MYCBP2: variants seen among roughly 807,000 people sequenced by gnomAD.
MYCBP2 encodes the protein MYC binding protein 2.
Under a neutral mutation model 525.3 loss-of-function variants are expected in MYCBP2, and 120 were observed. The ratio of observed to expected loss-of-function variants is 0.23; its 90% CI spans 0.20 to 0.27. The LOEUF is 0.27. MYCBP2 is among the 10% of genes least tolerant of loss of function. The pLI, the probability that MYCBP2 is intolerant of heterozygous loss-of-function variation, is 1.00. For synonymous variants in MYCBP2, 1,894 were observed against 1,955.8 expected (o/e 0.97, Z 0.83); for missense variants, 4,149 against 5,657.1 (o/e 0.73, Z 8.55).
intron 5 of MYCBP2, 145 bp downstream of exon 5, chr13:77,273,327 T>A (rs1329311627): frequency 1.8e-6 from 1 of 553,542 alleles, no homozygotes; most frequent in Non-Finnish European, 2.9e-6. Flanking sequence ...TTAATTGAAA[T>A]ACTGTAGATT....
At position 77,159,987 on chromosome 13, in the gene MYCBP2, TA is replaced by T. The variant is rs541252084; in HGVS notation, c.6598-1879del. Among the ~76,000 whole-genome samples, 14 of 152,188 alleles carry T rather than the reference TA, an allele frequency of 9.2e-5. No individual in the cohort carries two copies. In the South Asian group the frequency reaches 2.9e-3, roughly 32 times the overall value. ...TACACATAAGATGCCAATGGCTTTT[TA>T]AAACTCAGACGTTTCTTAACATTAT... On this transcript the variant is annotated intron_variant, in intron 44 of 82. Coordinates refer to ENST00000544440, the MANE Select transcript of MYCBP2 (RefSeq NM_015057.5).
At chr13:77,127,163 T>C (rs2051820599) in intron 52 of MYCBP2, among the ~76,000 whole-genome samples, 1 of 152,022 alleles carries the variant, frequency 6.6e-6, no homozygotes, top group Admixed American at 6.6e-5. Flanking sequence ...AATAAAAACG[T>C]CTTGCTAGAT....
At chr13:77,205,870 G>T (rs1466706888) in intron 24 of MYCBP2, among the ~76,000 whole-genome samples, 1 of 152,068 alleles carries the variant, frequency 6.6e-6, no homozygotes, top group South Asian at 2.1e-4. Flanking sequence ...ATTCTTACAA[G>T]GTTCTTCCTT....
At chr13:77,059,716 G>A in intron 76 of MYCBP2, 90 bp from the exon 77 acceptor site, 1 of 840,480 alleles carries the variant, frequency 1.2e-6, no homozygotes, top group Non-Finnish European at 2.0e-6. Context: ...AACTAGGTTT[G>A]TATAAGTTGC....
chr13:77,254,592 C>A (rs951226002), intron 14 of MYCBP2, among the ~76,000 whole-genome samples: 1 of 151,944 alleles, frequency 6.6e-6, no homozygotes, highest in South Asian at 2.1e-4. Context: ...TAACTGGGAT[C>A]AAGTCAAGAT....
At chr13:77,078,285 G>A (rs868404855) in intron 66 of MYCBP2, among the ~76,000 whole-genome samples, 1 of 152,160 alleles carries the variant, frequency 6.6e-6, no homozygotes, top group Non-Finnish European at 1.5e-5. Flanking sequence ...GTGAGATAAA[G>A]TAGCCAGTGA....
At chr13:77,099,151 A>T (rs767193248) in intron 55 of MYCBP2, 138 bp from the exon 56 acceptor site, 1 of 1,131,564 alleles carries the variant, frequency 8.8e-7, no homozygotes, top group Admixed American at 2.7e-5. Context: ...CTTGAAGAAT[A>T]AAGGAAAGAA....
intron 62 of MYCBP2, 129 bp downstream of exon 62, chr13:77,087,355 A>T: frequency 1.3e-6 from 1 of 791,330 alleles, no homozygotes. Context: ...CTTTGCCCAT[A>T]GCACTAAAAT....
At position 77,064,755 on chromosome 13, in the gene MYCBP2, T is replaced by C. The variant is rs771818502; in HGVS notation, c.12553-21A>G. ...TGACCCTATTGAGCAGAACAGAGTA[T>C]TTTAATAAGTGACCAGAAATGTATT... On this transcript the variant is annotated intron_variant, in intron 72 of 82. Transcript: ENST00000544440. 9 of 1,593,572 alleles carry C rather than the reference T, an allele frequency of 5.6e-6. No homozygotes were observed. In the East Asian group the frequency reaches 1.8e-4, roughly 32 times the overall value.
At chr13:77,293,980 A>G (rs2077759716) in intron 2 of MYCBP2, among the ~76,000 whole-genome samples, 3 of 151,480 alleles carry the variant, frequency 2.0e-5, no homozygotes, top group Admixed American at 2.0e-4. Context: ...CAGATTAAAT[A>G]AGAGTTTTTC....
chr13:77,211,411 A>T, intron 22 of MYCBP2, 91 bp from the exon 23 acceptor site: 7 of 619,594 alleles, frequency 1.1e-5, no homozygotes, highest in Non-Finnish European at 1.6e-5. Context: ...TCCATTTCTC[A>T]GGTGAATAAG....
At position 77,181,917 on chromosome 13, in the gene MYCBP2, G is replaced by C. The variant is rs2060252014; in HGVS notation, c.4725C>G (p.Ile1575Met). 1.2e-6 allele frequency: 2 copies of C among 1,612,746 alleles called. No homozygotes were observed. Among genetic ancestry groups the C allele is most frequent in the African/African-American group, 2.7e-5 (2 of 75,000 alleles). The change falls in exon 33 of 83, where the codon ATC (isoleucine) becomes ATG (methionine). Residue 1575 changes from isoleucine to methionine, a missense_variant. Physicochemically the swap from Ile to Met is conservative, Grantham distance 10. Around this residue, in one of 21 missense-constraint regions of MYCBP2, gnomAD observed 292 missense variants for 330.5 expected, o/e 0.88. Coordinates refer to ENST00000544440, the MANE Select transcript of MYCBP2 (RefSeq NM_015057.5). ...TTGATGTCTTGAAGTTTGCTTCTTG[G>C]ATATCCTTTTAAAAACAAAAATATG... The part of the protein sequence containing the change: ...CDLLNCLDQD[I>M]QEANFKTSSS...
At chr13:77,224,602 A>C in intron 19 of MYCBP2, 70 bp from the exon 20 acceptor site, 1 of 926,576 alleles carries the variant, frequency 1.1e-6, no homozygotes, top group Non-Finnish European at 1.7e-6. Flanking sequence ...ACTATACTAA[A>C]AGCAGTGTAA....
At chr13:77,322,917 GATAAATGA>G (rs2081859087) in intron 1 of MYCBP2, among the ~76,000 whole-genome samples, 1 of 152,138 alleles carries the variant, frequency 6.6e-6, no homozygotes, top group South Asian at 2.1e-4. Flanking sequence ...TCAGTCACTG[GATAAATGA>G]AAGAGTTATT....
intron 18 of MYCBP2, among the ~76,000 whole-genome samples, chr13:77,229,550 CAA>C (rs1168249200): frequency 6.6e-6 from 1 of 152,020 alleles, no homozygotes; most frequent in Admixed American, 6.5e-5. Flanking sequence ...AAAGAGAAAA[CAA>C]ATAATTCAAT....
chr13:77,136,794 C>T (rs1296412208), intron 52 of MYCBP2, among the ~76,000 whole-genome samples: 1 of 152,150 alleles, frequency 6.6e-6, no homozygotes, highest in East Asian at 1.9e-4. Flanking sequence ...TCGTCCCTCC[C>T]TCCTCTAAAA....
chr13:77,104,398 T>C (rs73239468), intron 55 of MYCBP2, among the ~76,000 whole-genome samples: 5,153 of 152,156 alleles, frequency 0.034, 106 homozygotes, highest in Middle Eastern at 0.085. Flanking sequence ...AAAGTCCCTA[T>C]TCTCACAGAG....
At chr13:77,273,971 A>G (rs542715872) in intron 4 of MYCBP2, among the ~76,000 whole-genome samples, 1 of 152,328 alleles carries the variant, frequency 6.6e-6, no homozygotes, top group South Asian at 2.1e-4. Flanking sequence ...CTATCAAGTA[A>G]TAGACTACTT....
In MYCBP2 at chr13:77,289,908, A is replaced by C. The variant is rs1472117852; in HGVS notation, c.379-1532T>G. ...CATACTAGGAATGAACAACTGAAAAAATGTAATTTCAAAAATAATAGCATT... is the reference window on the plus strand; with the variant it reads ...CATACTAGGAATGAACAACTGAAAACATGTAATTTCAAAAATAATAGCATT... On this transcript the variant is annotated intron_variant, in intron 2 of 82. Transcript: ENST00000544440. 2.0e-5 allele frequency among the ~76,000 whole-genome samples: 3 copies of C among 152,182 alleles called. No homozygotes were observed. The East Asian group carries it at 5.8e-4, about 29-fold the overall frequency.
Sources: allele counts gnomAD v4.1 joint callset (sites outside exome capture counted in the v4.1 genomes callset), GRCh38; gene constraint gnomAD v4.1.1; regional missense constraint gnomAD v4.1.1; transcripts MANE v1.5; gene names NCBI Gene and HGNC (gene_info 2026-07-23, HGNC 2026-07-21).